STK35: variants seen among roughly 807,000 people sequenced by gnomAD.
STK35 encodes serine/threonine-protein kinase 35.
In STK35, 17 loss-of-function variants were observed where a neutral mutation model predicts 37.3. The ratio of observed to expected loss-of-function variants is 0.46; its 90% CI spans 0.31 to 0.68. The LOEUF (loss-of-function observed/expected upper bound fraction) is 0.68. Among genes scored for constraint, STK35 ranks in the 30% least tolerant of loss-of-function variants. The pLI is 0.05. For synonymous variants in STK35, 385 were observed against 319.1 expected (o/e 1.21, Z -2.20); for missense variants, 595 against 746.7 (o/e 0.80, Z 2.37).
Position 2,102,038 on chromosome 20 carries a change from T to C in STK35, c.157T>C (p.Ser53Pro), listed in dbSNP as rs1435734387. 3 of 1,526,056 alleles carry C rather than the reference T, an allele frequency of 2.0e-6. No homozygotes were observed. Among genetic ancestry groups the C allele is most frequent in the African/African-American group, 1.4e-5 (1 of 71,888 alleles). The allele number at this position is 1,526,056 out of a possible 1,614,324, so 94.5% of individuals were successfully genotyped here. The stretch of plus-strand genomic sequence containing the variant: ...AGCGAGCGCCGCGGCAGCAGAAGGA[T>C]CCGCTACACGCCGGGCTCGGGCCGC... ...SPASAAAAEG[S>P]ATRRARAATS... Residue 53 changes from serine to proline, a missense_variant, in exon 1 of 4, where the codon TCC (serine) becomes CCC (proline). This residue lies in a region of STK35 where 389 missense variants were observed against 320.0 expected (regional missense o/e 1.22). Transcript: ENST00000381482.
At chr20:2,102,652 C>T in intron 1 of STK35, 116 bp from the exon 2 acceptor site, 1 of 991,130 alleles carries the variant, frequency 1.0e-6, no homozygotes, top group Non-Finnish European at 1.3e-6. Context: ...GCGGCGGTGG[C>T]TTCCGTCTTA....
Position 2,143,800 on chromosome 20 carries a change from C to T in STK35, c.*54C>T, listed in dbSNP as rs772240883. 4.9e-6 allele frequency: 2 copies of T among 404,070 alleles called. No homozygotes were observed. Among genetic ancestry groups the T allele is most frequent in the African/African-American group, 2.1e-5 (1 of 46,624 alleles). The allele number at this position is 404,070 out of a possible 1,614,324, so 25.0% of individuals were successfully genotyped here. A position where few individuals can be genotyped will look rare whatever the true frequency, so the allele number is the denominator to read the frequency against. On this transcript the variant is annotated 3_prime_UTR_variant, in exon 4 of 4. Transcript: ENST00000381482. ...GTCTTCCAGGTCGATTCCTCGGGAC[C>T]CACAGTCTCACCACGTCTCCTCCAG...
intron 3 of STK35, among the ~76,000 whole-genome samples, chr20:2,125,981 C>T (rs960184947): frequency 3.3e-5 from 5 of 152,224 alleles, no homozygotes; most frequent in African/African-American, 9.6e-5. Context: ...AGGCATCATA[C>T]GTGTCTGTGG....
chr20:2,130,325 C>T (rs17717328), intron 3 of STK35, among the ~76,000 whole-genome samples: 7,587 of 152,140 alleles, frequency 0.05, 273 homozygotes, highest in Admixed American at 0.1. Context: ...CCCTTGGACT[C>T]GGGGCTGCGT....
rs150992865 is a variant in STK35, at chr20:2,119,888, G to C, written c.*37+2473G>C. Among the ~76,000 whole-genome samples the C allele has an allele frequency of 2.9e-3, 435 of 152,286 alleles. 2 individuals are homozygous for C. Among genetic ancestry groups the C allele is most frequent in the African/African-American group, 9.8e-3 (406 of 41,572 alleles). ...CAAGTTGAGCTTGGTTTCATGTGTA[G>C]TGTTCTCAGTGAATGTATTTCTCGA... On this transcript the variant is annotated intron_variant, in intron 3 of 3. Coordinates refer to ENST00000381482, the MANE Select transcript of STK35 (RefSeq NM_080836.4).
At chr20:2,128,972 A>G (rs1321588788) in intron 3 of STK35, among the ~76,000 whole-genome samples, 16 of 151,978 alleles carry the variant, frequency 1.1e-4, no homozygotes, top group Non-Finnish European at 1.5e-5. Flanking sequence ...TTATAAGTGC[A>G]TGCCACCACG....
In STK35 at chr20:2,103,381, G is replaced by C; in HGVS notation, c.892+16G>C. ...TCGCTGAAAGGTAGGAGCACCGCGG[G>C]CCTTTCCACCCACGCAGGGCCTGGA... On this transcript the variant is annotated intron_variant, in intron 2 of 3. Transcript: ENST00000381482. 6.2e-7 allele frequency: 1 copy of C among 1,602,572 alleles called. No individual in the cohort carries two copies. Among genetic ancestry groups the C allele is most frequent in the East Asian group, 2.2e-5 (1 of 44,508 alleles).
intron 3 of STK35, among the ~76,000 whole-genome samples, chr20:2,137,588 A>G (rs1250592840): frequency 6.6e-6 from 1 of 152,110 alleles, no homozygotes; most frequent in East Asian, 1.9e-4. Flanking sequence ...ATACCCGAAG[A>G]CTGAAAACAG....
chr20:2,135,901 G>A (rs2122582619), intron 3 of STK35, among the ~76,000 whole-genome samples: 1 of 152,254 alleles, frequency 6.6e-6, no homozygotes, highest in African/African-American at 2.4e-5. Context: ...AGGAAACTGA[G>A]GCGGAAGGAT....
rs1600626864 is a variant in STK35 at position 2,145,496 on chromosome 20, G to T, written c.*1750G>T. On this transcript the variant is annotated 3_prime_UTR_variant, in exon 4 of 4. Coordinates refer to ENST00000381482, the MANE Select transcript of STK35 (RefSeq NM_080836.4). ...GGGAGAGAACAGTGCATCAGGCCAG[G>T]CTCAGCAATATGTTTGCTCACATTC... is the stretch of plus-strand genomic sequence containing the variant. 1 of 152,104 alleles carries T rather than the reference G, an allele frequency of 6.6e-6. No individual in the cohort carries two copies. The highest frequency in any genetic ancestry group is 2.4e-5 in the African/African-American group (1 of 41,390). The allele number at this position is 152,104 out of a possible 1,614,324, so 9.4% of individuals were successfully genotyped here.
At chr20:2,115,901 C>A (rs543054099) in intron 2 of STK35, among the ~76,000 whole-genome samples, 2 of 152,100 alleles carry the variant, frequency 1.3e-5, no homozygotes, top group Non-Finnish European at 2.9e-5. Flanking sequence ...TCCTGCCCCC[C>A]CCTTCACTGT....
At chr20:2,111,569 A>G (rs1032506669) in intron 2 of STK35, among the ~76,000 whole-genome samples, 8 of 152,088 alleles carry the variant, frequency 5.3e-5, no homozygotes, top group Admixed American at 6.6e-5. Flanking sequence ...GTGGTGGTGC[A>G]TGGTTGTAAT....
At chr20:2,102,268 C>T in intron 1 of STK35, 93 bp downstream of exon 1, 1 of 1,363,470 alleles carries the variant, frequency 7.3e-7, no homozygotes, top group Non-Finnish European at 9.5e-7. Flanking sequence ...GGTCCTCGGC[C>T]AGTCGCACTC....
At chr20:2,138,332 A>G (rs902054546) in intron 3 of STK35, among the ~76,000 whole-genome samples, 4 of 152,224 alleles carry the variant, frequency 2.6e-5, no homozygotes, top group African/African-American at 9.6e-5. Context: ...CTAAGAACCA[A>G]AATGACCATT....
At chr20:2,131,856 T>C (rs1349293271) in intron 3 of STK35, among the ~76,000 whole-genome samples, 1 of 152,174 alleles carries the variant, frequency 6.6e-6, no homozygotes, top group Non-Finnish European at 1.5e-5. Context: ...AGCGCTGGGC[T>C]TACAAGCCTG....
chr20:2,119,950 C>T (rs928726307), intron 3 of STK35, among the ~76,000 whole-genome samples: 4 of 152,186 alleles, frequency 2.6e-5, no homozygotes, highest in African/African-American at 9.6e-5. Context: ...ATTCTACAAA[C>T]GTGTGTTCCA....
chr20:2,118,362 C>T (rs1439590435), intron 3 of STK35, among the ~76,000 whole-genome samples: 4 of 152,134 alleles, frequency 2.6e-5, no homozygotes, highest in Non-Finnish European at 4.4e-5. Context: ...GGGCGGATCA[C>T]GAGGTCAGGA....
Position 2,103,205 on chromosome 20 carries a change from G to C in STK35, c.732G>C (p.Ala244=), listed in dbSNP as rs769110616. The C allele has an allele frequency of 3.0e-5, 48 of 1,609,670 alleles. No homozygotes were observed. The highest frequency in any genetic ancestry group is 1.1e-5 in the Non-Finnish European group (13 of 1,178,994). The part of the protein sequence containing the change: ...RCDAPENVEL[A]LAEFWALTSL... ...ACGCCCCCGAGAACGTGGAGCTGGC[G>C]CTGGCTGAATTCTGGGCCCTCACCA... Residue 244 remains alanine, a synonymous_variant, in exon 2 of 4, where the codon GCG becomes GCC. Transcript: ENST00000381482.
At chr20:2,129,625 G>A (rs918779002) in intron 3 of STK35, among the ~76,000 whole-genome samples, 3 of 152,124 alleles carry the variant, frequency 2.0e-5, no homozygotes, top group East Asian at 1.9e-4. Context: ...AAAAGCAGAC[G>A]TGGTCCTCAC....
Sources: gnomAD v4.1 joint callset for allele counts (sites outside exome capture counted in the v4.1 genomes callset) on GRCh38, gnomAD v4.1.1 for gene constraint, gnomAD v4.1.1 regional missense constraint, MANE v1.5 for transcripts, NCBI Gene and HGNC (gene_info 2026-07-23, HGNC 2026-07-21) for gene names.